The following RNF217 variants were observed in gnomAD, a reference collection of about 807,000 sequenced individuals.
The protein encoded by RNF217 is ring finger protein 217, also known as E3 ubiquitin-protein ligase RNF217.
RNF217 carries 31 observed loss-of-function variants against 57.8 expected under a neutral mutation model. That is an observed-to-expected ratio of 0.54 (90% CI 0.40 to 0.72). The LOEUF is 0.72. RNF217 is among the 30% of genes least tolerant of loss of function. RNF217 has a pLI of 0.00. For synonymous variants in RNF217, 313 were observed against 294.0 expected (o/e 1.06, Z -0.66); for missense variants, 696 against 708.3 (o/e 0.98, Z 0.20).
chr6:124,963,750 C>T (rs1034942718), intron 1 of RNF217, among the ~76,000 whole-genome samples: 1 of 152,218 alleles, frequency 6.6e-6, no homozygotes, highest in African/African-American at 2.4e-5. Context: ...GAGACTGCCT[C>T]ATCGGCCTGG....
intron 1 of RNF217, among the ~76,000 whole-genome samples, chr6:124,980,302 T>G (rs1160309771): frequency 6.6e-6 from 1 of 152,202 alleles, no homozygotes; most frequent in Non-Finnish European, 1.5e-5. Context: ...TTGCTTTTTT[T>G]CAGTCTTTCG....
chr6:125,020,059 C>T (rs1458185916), intron 1 of RNF217, among the ~76,000 whole-genome samples: 5 of 152,164 alleles, frequency 3.3e-5, no homozygotes, highest in Non-Finnish European at 7.3e-5. Context: ...CCATGCAGTG[C>T]TGCTGGCGTG....
chr6:125,078,568 C>T (rs555209523), intron 4 of RNF217, among the ~76,000 whole-genome samples: 1 of 152,104 alleles, frequency 6.6e-6, no homozygotes, highest in Non-Finnish European at 1.5e-5. Flanking sequence ...GCCAAACTTA[C>T]CCTTTTGTCA....
chr6:124,985,894 A>C (rs945966057), intron 1 of RNF217, among the ~76,000 whole-genome samples: 1 of 152,182 alleles, frequency 6.6e-6, no homozygotes, highest in Non-Finnish European at 1.5e-5. Flanking sequence ...TACATTAATC[A>C]ACTTTTTGGT....
intron 1 of RNF217, among the ~76,000 whole-genome samples, chr6:125,044,665 A>C (rs1394854099): frequency 6.6e-6 from 1 of 152,128 alleles, no homozygotes; most frequent in Non-Finnish European, 1.5e-5. Flanking sequence ...CTTAACACAG[A>C]AGGGTCAGAG....
chr6:124,967,063 A>G (rs533339005), intron 1 of RNF217, among the ~76,000 whole-genome samples: 1 of 152,316 alleles, frequency 6.6e-6, no homozygotes, highest in South Asian at 2.1e-4. Context: ...TTAGCACCAC[A>G]GTATATGTTG....
At chr6:125,055,537 G>A (rs147364826) in intron 2 of RNF217, among the ~76,000 whole-genome samples, 4 of 152,230 alleles carry the variant, frequency 2.6e-5, no homozygotes, top group East Asian at 1.9e-4. Context: ...TTTATAGAGC[G>A]AATCCGAGTT....
At chr6:124,972,586 C>T (rs1483919352) in intron 1 of RNF217, among the ~76,000 whole-genome samples, 1 of 152,192 alleles carries the variant, frequency 6.6e-6, no homozygotes, top group African/African-American at 2.4e-5. Context: ...TGTCCCACTA[C>T]ACCTATAGAG....
At chr6:125,045,521 A>T in intron 2 of RNF217, 77 bp downstream of exon 2, 1 of 1,015,004 alleles carries the variant, frequency 9.9e-7, no homozygotes, top group Non-Finnish European at 1.5e-6. Context: ...TGTCGTGGGC[A>T]TTAAGGGGGC....
intron 1 of RNF217, among the ~76,000 whole-genome samples, chr6:125,024,430 A>G: frequency 7.0e-6 from 1 of 142,270 alleles, no homozygotes; most frequent in African/African-American, 2.6e-5. Context: ...TAAAATACCA[A>G]AAATTAGCCA....
chr6:124,975,381 C>G (rs1346979945), intron 1 of RNF217, among the ~76,000 whole-genome samples: 1 of 152,184 alleles, frequency 6.6e-6, no homozygotes, highest in Non-Finnish European at 1.5e-5. Flanking sequence ...ACAGGTGACT[C>G]TGATATGGCC....
rs553359730 is a variant in RNF217, at chr6:125,088,837, A to G, written c.*5900A>G. On this transcript the variant is annotated 3_prime_UTR_variant, in exon 6 of 6. Coordinates refer to ENST00000521654, the MANE Select transcript of RNF217 (RefSeq NM_001286398.3). Reference sequence around the variant, plus strand: ...GTTCTGTGCTATATTCTGTCACTCTATTCCATTATTAATACTAAATGACTT... The same window carrying G: ...GTTCTGTGCTATATTCTGTCACTCTGTTCCATTATTAATACTAAATGACTT... The G allele has an allele frequency of 3.5e-4, 53 of 152,586 alleles. No homozygotes were observed. The highest frequency in any genetic ancestry group is 2.1e-3 in the South Asian group (10 of 4,816). The allele number at this position is 152,586 out of a possible 1,614,324, so 9.5% of individuals were successfully genotyped here.
rs749298870 is a variant in RNF217, at chr6:125,092,323, AT to A, written c.*9390del. On this transcript the variant is annotated 3_prime_UTR_variant, in exon 6 of 6. Transcript: ENST00000521654. ...TTTCAAAAGACGGACACCTTGTGAT[AT>A]TTTGGAGTCTAATTTCCGACTTTTC... 2 of 152,164 alleles carry A rather than the reference AT, an allele frequency of 1.3e-5. No individual in the cohort carries two copies. Among genetic ancestry groups the A allele is most frequent in the Non-Finnish European group, 2.9e-5 (2 of 68,038 alleles). The allele number at this position is 152,164 out of a possible 1,614,324, so 9.4% of individuals were successfully genotyped here.
At chr6:125,027,524 A>G (rs1042459032) in intron 1 of RNF217, among the ~76,000 whole-genome samples, 3 of 152,196 alleles carry the variant, frequency 2.0e-5, no homozygotes, top group African/African-American at 4.8e-5. Context: ...TCCATTGTGT[A>G]TATGTACCAC....
intron 1 of RNF217, among the ~76,000 whole-genome samples, chr6:125,033,197 C>CT (rs200597285): frequency 2.1e-3 from 293 of 140,800 alleles, no homozygotes; most frequent in African/African-American, 6.2e-3. Context: ...ATTCTGTGTT[C>CT]TTTTTTTTTT....
intron 1 of RNF217, among the ~76,000 whole-genome samples, chr6:125,007,994 T>C (rs925493108): frequency 6.6e-6 from 1 of 152,126 alleles, no homozygotes; most frequent in Non-Finnish European, 1.5e-5. Flanking sequence ...TGGTGGCTCA[T>C]GCCTGTAATC....
At chr6:125,033,799 A>C (rs1276695993) in intron 1 of RNF217, among the ~76,000 whole-genome samples, 2 of 152,000 alleles carry the variant, frequency 1.3e-5, no homozygotes, top group African/African-American at 4.8e-5. Flanking sequence ...GAACTAGTTT[A>C]CAGTCCCACC....
chr6:124,977,119 A>G (rs986145108), intron 1 of RNF217, among the ~76,000 whole-genome samples: 2 of 152,210 alleles, frequency 1.3e-5, no homozygotes, highest in African/African-American at 2.4e-5. Flanking sequence ...AAATCATCCA[A>G]ATGAAGAGCT....
At chr6:124,977,534 G>C (rs1784011238) in intron 1 of RNF217, among the ~76,000 whole-genome samples, 1 of 152,150 alleles carries the variant, frequency 6.6e-6, no homozygotes, top group Non-Finnish European at 1.5e-5. Flanking sequence ...AAATTAAGAT[G>C]CTGAAAAAAT....
Sources: gnomAD v4.1 joint callset for allele counts (sites outside exome capture counted in the v4.1 genomes callset) on GRCh38, gnomAD v4.1.1 for gene constraint, MANE v1.5 for transcripts, NCBI Gene and HGNC (gene_info 2026-07-23, HGNC 2026-07-21) for gene names.